SHISA5: variants seen among roughly 807,000 people sequenced by gnomAD.
SHISA5 encodes the protein shisa family member 5, also known as protein shisa-5.
Under a neutral mutation model 27.5 loss-of-function variants are expected in SHISA5, and 21 were observed. That is an observed-to-expected ratio of 0.76 (90% CI 0.54 to 1.10). The LOEUF is 1.10. Ranked by LOEUF, SHISA5 falls within the 50% of genes least tolerant of loss-of-function variation. The probability of loss-of-function intolerance (pLI) is 0.00; values close to 1 mark genes in which losing one functional copy is unlikely to be tolerated. For synonymous variants in SHISA5, 137 were observed against 142.2 expected, an observed-to-expected ratio of 0.96 and a Z score of 0.26; for missense variants, 314 against 336.3, an observed-to-expected ratio of 0.93 and a Z score of 0.52.
intron 2 of SHISA5, among the ~76,000 whole-genome samples, chr3:48,481,572 T>C (rs6786424): frequency 0.13 from 19,142 of 149,106 alleles, 2,650 homozygotes; most frequent in African/African-American, 0.35. Flanking sequence ...GGGCGGATCA[T>C]GAGATCAGGA....
At chr3:48,471,616 T>G (rs998982948) in intron 3 of SHISA5, among the ~76,000 whole-genome samples, 1 of 149,638 alleles carries the variant, frequency 6.7e-6, no homozygotes, top group African/African-American at 2.5e-5. Context: ...TAAAAGATTT[T>G]AAAAAATAAA....
At chr3:48,479,151 G>T in intron 3 of SHISA5, 26 bp downstream of exon 3, 1 of 1,587,814 alleles carries the variant, frequency 6.3e-7, no homozygotes, top group Non-Finnish European at 8.6e-7. Flanking sequence ...CCAGGAAGAT[G>T]CACCCAGCCA....
In SHISA5 at chr3:48,468,206, G is replaced by GTCTC; in HGVS notation, c.*897_*900dup. 1 of 1,001,256 alleles carries GTCTC rather than the reference G, an allele frequency of 1.0e-6. No individual in the cohort carries two copies. Among genetic ancestry groups the GTCTC allele is most frequent in the Non-Finnish European group, 1.2e-6 (1 of 838,492 alleles). The allele number at this position is 1,001,256 out of a possible 1,614,324, so 62.0% of individuals were successfully genotyped here. ...TTCCCTCCACAACCCAGGGGTTTCAGTCTCATATCAACTATCATGTTTGAA... is the reference window on the plus strand; with the variant it reads ...TTCCCTCCACAACCCAGGGGTTTCAGTCTCTCTCATATCAACTATCATGTTTGAA... On this transcript the variant is annotated 3_prime_UTR_variant, in exon 6 of 6. Transcript: ENST00000296444.
chr3:48,469,123 G>T lies in SHISA5; in HGVS notation c.707C>A (p.Pro236Gln). 6.2e-7 allele frequency: 1 copy of T among 1,613,016 alleles called. No homozygotes were observed. The stretch of plus-strand genomic sequence containing the variant: ...AGGGAATGCTCAGAGGGCCGCCTTC[G>T]GGGCATCCATGTAGGCCGGGTTGTA... ...PPYNPAYMDA[P>Q]KAAL The change falls in exon 6 of 6, where the codon CCG becomes CAG. Residue 236 changes from proline (P) to glutamine (Q), a missense_variant. Transcript: ENST00000296444. The surrounding 1 kb of genome is among the most constrained non-coding windows in gnomAD (Gnocchi z 4.6).
chr3:48,488,694 G>A (rs1164630763), intron 2 of SHISA5, among the ~76,000 whole-genome samples: 17 of 151,338 alleles, frequency 1.1e-4, no homozygotes, highest in Non-Finnish European at 1.3e-4. Context: ...TTAGCCGTGC[G>A]TGGTGGCACA....
At chr3:48,488,628 G>A (rs1181062796) in intron 2 of SHISA5, among the ~76,000 whole-genome samples, 13 of 150,908 alleles carry the variant, frequency 8.6e-5, no homozygotes, top group South Asian at 8.3e-4. Context: ...GATGTCGGGA[G>A]TTCGAGACCA....
chr3:48,501,297 G>A lies in SHISA5; in HGVS notation c.77-4C>T, dbSNP rs2041747511. ...GCCATACACACCTCACCACGTGCTGGAGAGGAGAAACACATCTGTTCACCT... is the reference window on the plus strand; with the variant it reads ...GCCATACACACCTCACCACGTGCTGAAGAGGAGAAACACATCTGTTCACCT... On this transcript the variant is annotated splice_region_variant and splice_polypyrimidine_tract_variant and intron_variant, in intron 1 of 5. Coordinates refer to ENST00000296444, the MANE Select transcript of SHISA5 (RefSeq NM_016479.6). 1 of 1,613,176 alleles carries A rather than the reference G, an allele frequency of 6.2e-7. No individual in the cohort carries two copies. The highest frequency in any genetic ancestry group is 1.1e-5 in the South Asian group (1 of 90,990).
At chr3:48,478,161 C>CCGCTCCTGGGCTCCTGGA (rs1408929747) in intron 3 of SHISA5, among the ~76,000 whole-genome samples, 5 of 152,224 alleles carry the variant, frequency 3.3e-5, no homozygotes, top group African/African-American at 1.2e-4. Context: ...GGCAGGACAG[C>CCGCTCCTGGGCTCCTGGA]CGCTCCTGGG....
chr3:48,480,885 A>C (rs1489425592), intron 2 of SHISA5, among the ~76,000 whole-genome samples: 1 of 152,178 alleles, frequency 6.6e-6, no homozygotes, highest in African/African-American at 2.4e-5. Context: ...AACTGAGGTC[A>C]GGAGTTCGAG....
At chr3:48,483,688 C>T (rs1294247263) in intron 2 of SHISA5, among the ~76,000 whole-genome samples, 2 of 151,486 alleles carry the variant, frequency 1.3e-5, no homozygotes, top group African/African-American at 4.8e-5. Flanking sequence ...CCCCTCACCT[C>T]CCGGACGGGG....
chr3:48,492,532 G>T lies in SHISA5; in HGVS notation c.233+8605C>A, dbSNP rs1376225437. Among the ~76,000 whole-genome samples, 3 of 147,974 alleles carry T rather than the reference G, an allele frequency of 2.0e-5. 1 individual carries two copies. Among genetic ancestry groups the T allele is most frequent in the African/African-American group, 8.0e-5 (3 of 37,640 alleles). ...CATGAGGGTGAAGCTGCCAGGATGG[G>T]ATTAGTGTCCTTATAAAAAGAGGAA... is the stretch of plus-strand genomic sequence containing the variant. On this transcript the variant is annotated intron_variant, in intron 2 of 5. Coordinates refer to ENST00000296444, the MANE Select transcript of SHISA5 (RefSeq NM_016479.6).
intron 2 of SHISA5, among the ~76,000 whole-genome samples, chr3:48,498,884 C>T (rs904143226): frequency 1.4e-4 from 21 of 151,612 alleles, no homozygotes; most frequent in African/African-American, 5.1e-4. Context: ...GAGTTCAAGA[C>T]CAGCCTGGCC....
chr3:48,479,126 CTCTTGTCA>C (rs2040917815), intron 3 of SHISA5, 43 bp downstream of exon 3: 1 of 1,534,292 alleles, frequency 6.5e-7, no homozygotes, highest in African/African-American at 1.4e-5. Context: ...CCCCTGAGCC[CTCTTGTCA>C]CCTTTGCCAG....
At chr3:48,474,668 C>A (rs909163077) in intron 3 of SHISA5, among the ~76,000 whole-genome samples, 1 of 152,094 alleles carries the variant, frequency 6.6e-6, no homozygotes, top group African/African-American at 2.4e-5. Context: ...AATAAAACTC[C>A]CTATTAGGCC....
At chr3:48,480,860 C>T (rs1416730442) in intron 2 of SHISA5, among the ~76,000 whole-genome samples, 2 of 152,118 alleles carry the variant, frequency 1.3e-5, no homozygotes, top group East Asian at 1.9e-4. Context: ...TTTGAGAGAT[C>T]GAGGCAGGCA....
At chr3:48,486,428 T>TA (rs1491304394) in intron 2 of SHISA5, among the ~76,000 whole-genome samples, 4 of 98,616 alleles carry the variant, frequency 4.1e-5, no homozygotes, top group Non-Finnish European at 7.1e-5. Flanking sequence ...ATATTATATA[T>TA]TTTATATATT....
chr3:48,502,990 G>T (rs1575337151), intron 1 of SHISA5: 2 of 674,388 alleles, frequency 3.0e-6, no homozygotes, highest in Non-Finnish European at 2.3e-6. Context: ...TGGGGAGTTG[G>T]GGGGAACTGC....
intron 2 of SHISA5, among the ~76,000 whole-genome samples, chr3:48,487,110 GCACA>G (rs550343301): frequency 2.0e-5 from 3 of 148,660 alleles, no homozygotes; most frequent in African/African-American, 7.6e-5. Flanking sequence ...GTCCATAGGC[GCACA>G]CACACACACG....
chr3:48,501,883 C>CAA (rs2041767853), intron 1 of SHISA5, among the ~76,000 whole-genome samples: 1 of 136,216 alleles, frequency 7.3e-6, no homozygotes, highest in South Asian at 2.3e-4. Flanking sequence ...TTTTTTGAGA[C>CAA]AGAGTCTCAC....
Sources: allele counts gnomAD v4.1 joint callset (sites outside exome capture counted in the v4.1 genomes callset), GRCh38; gene constraint gnomAD v4.1.1; non-coding constraint Gnocchi (gnomAD v3.1); transcripts MANE v1.5; gene names NCBI Gene and HGNC (gene_info 2026-07-23, HGNC 2026-07-21).